The following COL5A1 variants were observed in gnomAD, a reference collection of about 807,000 sequenced individuals.
COL5A1 encodes collagen type V alpha 1 chain.
A neutral mutation model predicts 263.7 loss-of-function variants in COL5A1; 16 were observed. The ratio of observed to expected loss-of-function variants is 0.06; its 90% confidence interval spans 0.04 to 0.09. COL5A1 has a LOEUF of 0.09. Among genes scored for constraint, COL5A1 ranks in the 10% least tolerant of loss-of-function variants. The probability of loss-of-function intolerance (pLI) is 1.00; values close to 1 mark genes in which losing one functional copy is unlikely to be tolerated. For synonymous variants in COL5A1, 1,012 were observed against 1,004.5 expected, an observed-to-expected ratio of 1.01 and a Z score of -0.14; for missense variants, 2,036 against 2,540.5, an observed-to-expected ratio of 0.80 and a Z score of 4.27.
rs1837809623 is a variant in COL5A1, at chr9:134,794,025, C to T, written c.2701-1057C>T. Among the ~76,000 whole-genome samples, 1 of 152,158 alleles carries T rather than the reference C, an allele frequency of 6.6e-6. No homozygotes were observed. The highest frequency in any genetic ancestry group is 2.4e-5 in the African/African-American group (1 of 41,424). Reference sequence around the variant, plus strand: ...CCATACAGATCCACCTTGGGCGGAGCATCAGAAACCAGTCAAGTTCAGCCA... The same window carrying T: ...CCATACAGATCCACCTTGGGCGGAGTATCAGAAACCAGTCAAGTTCAGCCA... On this transcript the variant is annotated intron_variant, in intron 32 of 65. Coordinates refer to ENST00000371817, the MANE Select transcript of COL5A1 (RefSeq NM_000093.5). This position sits in a 1 kb window ranked among gnomAD's most constrained non-coding sequence, Gnocchi z 4.3.
chr9:134,827,252 C>A (rs1839323510), intron 63 of COL5A1, among the ~76,000 whole-genome samples: 1 of 152,214 alleles, frequency 6.6e-6, no homozygotes, highest in South Asian at 2.1e-4. Context: ...ACCCCTCAAT[C>A]ACGCCCTGAC....
intron 9 of COL5A1, among the ~76,000 whole-genome samples, chr9:134,736,663 C>A (rs996596584): frequency 6.6e-6 from 1 of 152,240 alleles, no homozygotes; most frequent in Middle Eastern, 3.2e-3. Flanking sequence ...GTACCCACAT[C>A]ATCTCAAAAG....
rs761157319 is a variant in COL5A1, at chr9:134,755,875, G to C, written c.1828-890G>C. 6.6e-6 allele frequency among the ~76,000 whole-genome samples: 1 copy of C among 152,164 alleles called. No individual in the cohort carries two copies. Among genetic ancestry groups the C allele is most frequent in the African/African-American group, 2.4e-5 (1 of 41,438 alleles). On this transcript the variant is annotated intron_variant, in intron 16 of 65. Transcript: ENST00000371817. This position sits in a 1 kb window ranked among gnomAD's most constrained non-coding sequence, Gnocchi z 4.1. ...TGAGACCCTAAGCTGCCACCCTCCA[G>C]ATCTTCTCTCTGCTTGGTGGTGGGT...
chr9:134,678,909 G>A lies in COL5A1; in HGVS notation c.110-12003G>A, dbSNP rs905185733. 2.5e-4 allele frequency among the ~76,000 whole-genome samples: 38 copies of A among 152,336 alleles called. No homozygotes were observed. Among genetic ancestry groups the A allele is most frequent in the African/African-American group, 7.5e-4 (31 of 41,576 alleles). On this transcript the variant is annotated intron_variant, in intron 1 of 65. Coordinates refer to ENST00000371817, the MANE Select transcript of COL5A1 (RefSeq NM_000093.5). The surrounding 1 kb of genome is among the most constrained non-coding windows in gnomAD (Gnocchi z 5.5). ...GGTTGGTGTTACCCCCTGCTGGGGGGCAGGCGTTAGATCTGTGCAGGGTGA... is the reference window on the plus strand; with the variant it reads ...GGTTGGTGTTACCCCCTGCTGGGGGACAGGCGTTAGATCTGTGCAGGGTGA...
chr9:134,720,811 A>G (rs555294069), intron 4 of COL5A1, among the ~76,000 whole-genome samples: 1 of 152,180 alleles, frequency 6.6e-6, no homozygotes, highest in South Asian at 2.1e-4. Flanking sequence ...TCCAGAGAGG[A>G]GCCGACTCTG....
chr9:134,674,902 T>C (rs946785754), intron 1 of COL5A1, among the ~76,000 whole-genome samples: 1 of 152,024 alleles, frequency 6.6e-6, no homozygotes, highest in African/African-American at 2.4e-5. Context: ...AAAGAATGAA[T>C]TTTACTGCAT....
At chr9:134,791,640 C>T (rs1837694465) in intron 32 of COL5A1, among the ~76,000 whole-genome samples, 1 of 151,918 alleles carries the variant, frequency 6.6e-6, no homozygotes, top group African/African-American at 2.4e-5. Context: ...CTGCAGAAGC[C>T]TCACTTAGGT....
rs1265859854 is a variant in COL5A1, at chr9:134,741,094, T to C, written c.1494+2286T>C. Among the ~76,000 whole-genome samples the C allele has an allele frequency of 2.0e-5, 3 of 152,180 alleles. No homozygotes were observed. Among genetic ancestry groups the C allele is most frequent in the Non-Finnish European group, 4.4e-5 (3 of 68,038 alleles). ...TCCCTGCTCACCGCTCAGCGCCCTC[T>C]TGATGTCCAGATCTTGCTCGATGCC... On this transcript the variant is annotated intron_variant, in intron 11 of 65. Coordinates refer to ENST00000371817, the MANE Select transcript of COL5A1 (RefSeq NM_000093.5). This position sits in a 1 kb window ranked among gnomAD's most constrained non-coding sequence, Gnocchi z 4.5.
Position 134,727,308 on chromosome 9 carries a change from G to A in COL5A1, c.697G>A (p.Ala233Thr). 2 of 1,614,110 alleles carry A rather than the reference G, an allele frequency of 1.2e-6. No individual in the cohort carries two copies. The highest frequency in any genetic ancestry group is 1.7e-6 in the Non-Finnish European group (2 of 1,180,010). ...QLLFVSDHRA[A>T]YDYCEHYSPD... ...GCTCTTTGTCTCGGACCACCGGGCAGCTTATGATTACTGTGAGCACTACAG... is the reference window on the plus strand; with the variant it reads ...GCTCTTTGTCTCGGACCACCGGGCAACTTATGATTACTGTGAGCACTACAG... Residue 233 changes from alanine (A) to threonine (T), a missense_variant, in exon 5 of 66, where the codon GCT becomes ACT. Physicochemically the swap from Ala to Thr is moderately conservative, Grantham distance 58 (BLOSUM62 0). Transcript: ENST00000371817.
chr9:134,809,458 C>T (rs1263959318), intron 43 of COL5A1, among the ~76,000 whole-genome samples, 168 bp downstream of exon 43: 1 of 152,074 alleles, frequency 6.6e-6, no homozygotes, highest in Non-Finnish European at 1.5e-5. Context: ...TTCACAGCAG[C>T]CCACTGGTAA....
chr9:134,644,658 T>C (rs1384817383), intron 1 of COL5A1, among the ~76,000 whole-genome samples: 6 of 152,056 alleles, frequency 3.9e-5, no homozygotes. Flanking sequence ...TTTCTGAGGG[T>C]TTTCTGAACA....
chr9:134,712,478 A>C (rs1223410299), intron 4 of COL5A1, among the ~76,000 whole-genome samples: 45 of 31,990 alleles, frequency 1.4e-3, no homozygotes, highest in South Asian at 3.8e-3. Flanking sequence ...CCTCCTTCCT[A>C]TTTCCCCTCC....
chr9:134,775,107 C>T (rs868612365), intron 27 of COL5A1, among the ~76,000 whole-genome samples, 195 bp downstream of exon 27: 1 of 152,204 alleles, frequency 6.6e-6, no homozygotes. Context: ...AGGGTGTGAC[C>T]AGCTAGAGTC....
In COL5A1 at chr9:134,812,655, T is replaced by C; in HGVS notation, c.3795T>C (p.Ala1265=). The C allele has an allele frequency of 6.3e-7, 1 of 1,597,284 alleles. No homozygotes were observed. Among genetic ancestry groups the C allele is most frequent in the South Asian group, 1.1e-5 (1 of 88,466 alleles). Residue 1265 remains alanine, a synonymous_variant, in exon 48 of 66, where the codon GCT becomes GCC. Coordinates refer to ENST00000371817, the MANE Select transcript of COL5A1 (RefSeq NM_000093.5). The part of the protein sequence containing the change: ...GPRGPSGAPG[A]DGPQGPPGGI... ...GAGGACCCTCCGGAGCTCCAGGTGC[T>C]GATGGCCCACAAGGTCCCCCAGGTG... is the stretch of plus-strand genomic sequence containing the variant.
At chr9:134,819,992 G>A (rs1838928816) in intron 57 of COL5A1, 124 bp from the exon 58 acceptor site, 6 of 806,550 alleles carry the variant, frequency 7.4e-6, no homozygotes, top group Non-Finnish European at 1.3e-5. Flanking sequence ...CCCCTTCCAG[G>A]GGAGGCTGAC....
chr9:134,669,217 CT>C (rs1832454834), intron 1 of COL5A1, among the ~76,000 whole-genome samples: 1 of 94,116 alleles, frequency 1.1e-5, no homozygotes, highest in Non-Finnish European at 2.0e-5. Flanking sequence ...TTCCTTTTCC[CT>C]TCCCTTCCCT....
intron 47 of COL5A1, 24 bp from the exon 48 acceptor site, chr9:134,812,581 T>C (rs1398036673): frequency 1.6e-5 from 25 of 1,610,066 alleles, no homozygotes; most frequent in Non-Finnish European, 2.0e-5. Flanking sequence ...TCCTCTGGGC[T>C]CAGTGGTCTC....
intron 1 of COL5A1, among the ~76,000 whole-genome samples, chr9:134,688,897 C>G (rs149370803): frequency 1.3e-5 from 2 of 152,160 alleles, no homozygotes; most frequent in African/African-American, 4.8e-5. Flanking sequence ...ATGAGAAATG[C>G]GGCTTCGATT....
chr9:134,707,866 C>T (rs1317491890), intron 4 of COL5A1, among the ~76,000 whole-genome samples: 3 of 152,194 alleles, frequency 2.0e-5, no homozygotes, highest in Admixed American at 2.0e-4. Context: ...GGAAGCGCAA[C>T]CGTGAAGATG....
Sources: allele counts gnomAD v4.1 joint callset (sites outside exome capture counted in the v4.1 genomes callset), GRCh38; gene constraint gnomAD v4.1.1; non-coding constraint Gnocchi (gnomAD v3.1); transcripts MANE v1.5; gene names NCBI Gene and HGNC (gene_info 2026-07-23, HGNC 2026-07-21).